The following SNX29 variants were observed in gnomAD, a reference collection of about 807,000 sequenced individuals.
SNX29 encodes the protein sorting nexin 29.
A neutral mutation model predicts 102.1 loss-of-function variants in SNX29; 78 were observed. That is an observed-to-expected ratio of 0.76 (90% CI 0.64 to 0.92). SNX29 has a LOEUF of 0.92. Among genes scored for constraint, SNX29 ranks in the 40% least tolerant of loss-of-function variants. The pLI is 0.00. For synonymous variants in SNX29, 580 were observed against 414.5 expected (o/e 1.40, Z -4.85); for missense variants, 1,280 against 1,061.7 (o/e 1.21, Z -2.86).
At chr16:11,993,774 G>A (rs2055949203) in intron 1 of SNX29, among the ~76,000 whole-genome samples, 1 of 152,102 alleles carries the variant, frequency 6.6e-6, no homozygotes. Context: ...AAAAATTAAT[G>A]TAGGATCCAA....
chr16:12,027,996 T>A (rs887875914), intron 4 of SNX29, among the ~76,000 whole-genome samples: 1 of 152,210 alleles, frequency 6.6e-6, no homozygotes, highest in Admixed American at 6.5e-5. Flanking sequence ...GGGACTGTTA[T>A]TACTGCCACT....
intron 11 of SNX29, among the ~76,000 whole-genome samples, chr16:12,080,899 G>C (rs1004269284): frequency 6.7e-6 from 1 of 150,168 alleles, no homozygotes; most frequent in African/African-American, 2.5e-5. Context: ...GGCCGGGCTG[G>C]TCTTGAACTC....
At chr16:12,564,113 G>T (rs137960859) in intron 20 of SNX29, among the ~76,000 whole-genome samples, 14 of 152,306 alleles carry the variant, frequency 9.2e-5, no homozygotes, top group African/African-American at 3.1e-4. Flanking sequence ...CCTTGATTGG[G>T]TGTGGTGGAT....
chr16:12,563,927 C>G (rs1350159604), intron 20 of SNX29, among the ~76,000 whole-genome samples: 1 of 152,188 alleles, frequency 6.6e-6, no homozygotes, highest in Non-Finnish European at 1.5e-5. Flanking sequence ...ACCTACAATA[C>G]CTAGACGCTG....
At chr16:12,180,154 C>T (rs1332081109) in intron 13 of SNX29, among the ~76,000 whole-genome samples, 1 of 151,832 alleles carries the variant, frequency 6.6e-6, no homozygotes, top group Non-Finnish European at 1.5e-5. Flanking sequence ...CAAATCTATC[C>T]CTTTCTTCAT....
chr16:12,031,828 CA>C (rs145510898), intron 4 of SNX29, among the ~76,000 whole-genome samples: 3 of 149,776 alleles, frequency 2.0e-5, no homozygotes, highest in Non-Finnish European at 4.5e-5. Flanking sequence ...GCAAAACGAA[CA>C]AAAAAAAAAT....
At chr16:12,020,384 T>C (rs186355058) in intron 3 of SNX29, among the ~76,000 whole-genome samples, 1 of 152,216 alleles carries the variant, frequency 6.6e-6, no homozygotes, top group East Asian at 1.9e-4. Context: ...TTTTTTAGAA[T>C]AGAGATGAGG....
At chr16:12,555,450 G>C (rs966369314) in intron 20 of SNX29, among the ~76,000 whole-genome samples, 1 of 152,016 alleles carries the variant, frequency 6.6e-6, no homozygotes, top group African/African-American at 2.4e-5. Context: ...TGTACGCAGG[G>C]TGTTTCCCTA....
rs1567229696 is a variant in SNX29, at chr16:12,125,906, C to T, written c.1403-727C>T. Among the ~76,000 whole-genome samples, 4 of 152,096 alleles carry T rather than the reference C, an allele frequency of 2.6e-5. No homozygotes were observed. The South Asian group carries it at 8.3e-4, about 32-fold the overall frequency. On this transcript the variant is annotated intron_variant, in intron 11 of 20. Transcript: ENST00000566228. ...GTCTGAGTAGCAGCACTGGGGACCC[C>T]CTTCTCCCATGCCTGCAAGGCCCAG...
At chr16:12,114,489 G>T (rs2053616862) in intron 11 of SNX29, among the ~76,000 whole-genome samples, 1 of 152,164 alleles carries the variant, frequency 6.6e-6, no homozygotes, top group African/African-American at 2.4e-5. Flanking sequence ...GATCCCATTC[G>T]GGAGACAGTG....
At chr16:12,161,490 G>A (rs1409622611) in intron 13 of SNX29, among the ~76,000 whole-genome samples, 1 of 152,166 alleles carries the variant, frequency 6.6e-6, no homozygotes, top group African/African-American at 2.4e-5. Flanking sequence ...ATTGATGCTG[G>A]GCTCCAGTAG....
intron 13 of SNX29, among the ~76,000 whole-genome samples, chr16:12,139,193 T>TAAAAAAA (rs34808071): frequency 1.1e-4 from 7 of 66,134 alleles, no homozygotes; most frequent in African/African-American, 4.7e-4. Context: ...AGCGAGACTC[T>TAAAAAAA]AAAAAAAAAA....
chr16:12,560,568 C>G (rs80217041), intron 20 of SNX29, among the ~76,000 whole-genome samples: 1 of 152,142 alleles, frequency 6.6e-6, no homozygotes, highest in Non-Finnish European at 1.5e-5. Flanking sequence ...AGTGTGATTC[C>G]TTGGGGTCTG....
intron 19 of SNX29, among the ~76,000 whole-genome samples, chr16:12,512,368 A>G (rs1567638600): frequency 9.1e-5 from 3 of 33,046 alleles, no homozygotes; most frequent in African/African-American, 5.8e-4. Flanking sequence ...GGCCCAGGGA[A>G]AATATATATA....
intron 20 of SNX29, among the ~76,000 whole-genome samples, chr16:12,539,044 A>C (rs534883283): frequency 1.3e-5 from 2 of 152,322 alleles, no homozygotes; most frequent in South Asian, 4.1e-4. Context: ...GGGCCCAGAA[A>C]GACATCACTG....
intron 14 of SNX29, among the ~76,000 whole-genome samples, chr16:12,254,022 C>G (rs2078496509): frequency 6.6e-6 from 1 of 152,066 alleles, no homozygotes; most frequent in Non-Finnish European, 1.5e-5. Flanking sequence ...AGAGCAGTAC[C>G]AGATGCCTCC....
chr16:12,350,031 C>T (rs1039474921), intron 15 of SNX29, among the ~76,000 whole-genome samples: 6 of 152,228 alleles, frequency 3.9e-5, no homozygotes, highest in Non-Finnish European at 5.9e-5. Context: ...TTTCTTTCCT[C>T]CTCTGATGTT....
At chr16:12,321,272 G>T (rs756842775) in intron 15 of SNX29, among the ~76,000 whole-genome samples, 4 of 152,118 alleles carry the variant, frequency 2.6e-5, no homozygotes, top group African/African-American at 9.7e-5. Flanking sequence ...CTTCTCCAGC[G>T]GCCACCCTCC....
chr16:12,567,846 C>G (rs977690844), intron 20 of SNX29, among the ~76,000 whole-genome samples: 1 of 152,302 alleles, frequency 6.6e-6, no homozygotes, highest in Non-Finnish European at 1.5e-5. Context: ...GCCTCCCAGC[C>G]TCTACCCTAT....
Sources: gnomAD v4.1 joint callset for allele counts (sites outside exome capture counted in the v4.1 genomes callset) on GRCh38, gnomAD v4.1.1 for gene constraint, MANE v1.5 for transcripts, NCBI Gene and HGNC (gene_info 2026-07-23, HGNC 2026-07-21) for gene names.